The following CCDC32 variants were observed in gnomAD, a reference collection of about 807,000 sequenced individuals.
The protein encoded by CCDC32 is coiled-coil domain-containing protein 32.
CCDC32 carries 9 observed loss-of-function variants against 20.1 expected under a neutral mutation model. The observed-to-expected ratio is 0.45, with a 90% confidence interval of 0.27 to 0.78. The LOEUF is 0.78. Among genes scored for constraint, CCDC32 ranks in the 30% least tolerant of loss-of-function variants. The pLI is 0.16. For missense variants in CCDC32, 204 were observed against 215.5 expected, an observed-to-expected ratio of 0.95 and a Z score of 0.33; for synonymous variants, 63 against 79.0, an observed-to-expected ratio of 0.80 and a Z score of 1.07.
intron 3 of CCDC32, among the ~76,000 whole-genome samples, chr15:40,556,153 C>T (rs1318890536): frequency 6.6e-6 from 1 of 152,230 alleles, no homozygotes; most frequent in Admixed American, 6.5e-5. Flanking sequence ...GAGTGTCGAG[C>T]CCCATTCCTG....
chr15:40,551,854 A>G (rs936919391), downstream of CCDC32, among the ~76,000 whole-genome samples: 2 of 146,070 alleles, frequency 1.4e-5, no homozygotes, highest in Admixed American at 6.9e-5. Context: ...CCATTAGTCA[A>G]TGAAAAGAGA....
intron 3 of CCDC32, among the ~76,000 whole-genome samples, chr15:40,544,270 G>T (rs1358614466): frequency 6.6e-6 from 1 of 152,186 alleles, no homozygotes; most frequent in Non-Finnish European, 1.5e-5. Context: ...ATAGGGTGCG[G>T]TAGGGCAATC....
chr15:40,543,502 T>C (rs1889490170), intron 3 of CCDC32, among the ~76,000 whole-genome samples: 1 of 152,242 alleles, frequency 6.6e-6, no homozygotes, highest in South Asian at 2.1e-4. Context: ...TCGCCCAGGC[T>C]GGAATGCAGT....
intron 3 of CCDC32, among the ~76,000 whole-genome samples, chr15:40,540,523 A>G (rs1889348204): frequency 6.6e-6 from 1 of 151,598 alleles, no homozygotes; most frequent in African/African-American, 2.4e-5. Flanking sequence ...GCCTGCCACC[A>G]TGCCTGGGTA....
chr15:40,531,296 C>T (rs114679325), downstream of CCDC32: 1 of 151,112 alleles, frequency 6.6e-6, no homozygotes, highest in African/African-American at 2.4e-5. Flanking sequence ...CAAAACTTCA[C>T]CTATACCCCT....
intron 2 of CCDC32, chr15:40,557,701 C>A: frequency 5.1e-6 from 1 of 195,368 alleles, no homozygotes; most frequent in Non-Finnish European, 1.1e-5. Flanking sequence ...CTTGTTTTCC[C>A]TGGTTTGACA....
intron 1 of CCDC32, 110 bp from the exon 2 acceptor site, chr15:40,563,137 C>G: frequency 7.5e-7 from 1 of 1,337,606 alleles, no homozygotes; most frequent in South Asian, 1.4e-5. Context: ...CCGAGGCAGT[C>G]AGATCATTTG....
At chr15:40,534,959 T>A, downstream of CCDC32, 1 of 702,538 alleles carries the variant, frequency 1.4e-6, no homozygotes, top group East Asian at 2.7e-5. Context: ...GATCTGCCAC[T>A]TGGTATCTGT....
chr15:40,554,696 A>C (rs1015638975), intron 3 of CCDC32, among the ~76,000 whole-genome samples: 1 of 152,150 alleles, frequency 6.6e-6, no homozygotes, highest in Non-Finnish European at 1.5e-5. Flanking sequence ...TCCCCACAAG[A>C]GAATGACCAC....
In CCDC32 at chr15:40,564,997, G is replaced by C; in HGVS notation, c.-34C>G. The C allele has an allele frequency of 3.4e-6, 2 of 596,764 alleles. No individual in the cohort carries two copies. Among genetic ancestry groups the C allele is most frequent in the Admixed American group, 2.9e-5 (1 of 33,916 alleles). 37.0% of individuals were successfully genotyped at this position (596,764 alleles called of 1,614,324 possible). On this transcript the variant is annotated 5_prime_UTR_variant, in exon 1 of 4. Transcript: ENST00000416810. ...TTACCGTAACAGCTGCCCAGTAAAC[G>C]CTTGGCTCAGCTCTGTCGCCTGTAG...
downstream of CCDC32, among the ~76,000 whole-genome samples, chr15:40,527,643 C>T (rs1223900339): frequency 6.6e-6 from 1 of 152,122 alleles, no homozygotes; most frequent in East Asian, 1.9e-4. Flanking sequence ...TTCATAAATT[C>T]GTGGATTAAT....
chr15:40,543,081 G>A (rs922807162), intron 3 of CCDC32, among the ~76,000 whole-genome samples: 4 of 150,636 alleles, frequency 2.7e-5, no homozygotes, highest in African/African-American at 9.8e-5. Flanking sequence ...GGTTGAGGCT[G>A]CAATAAGCTG....
downstream of CCDC32, chr15:40,539,048 C>T (rs894904833): frequency 1.7e-6 from 1 of 595,088 alleles, no homozygotes; most frequent in South Asian, 2.0e-5. Context: ...TCTCTCTTGG[C>T]TCTCTCGCCA....
intron 2 of CCDC32, chr15:40,558,118 C>G (rs978891541): frequency 6.6e-6 from 1 of 152,150 alleles, no homozygotes. Context: ...TCGAAGAATA[C>G]AAGAAAGGAC....
intron 2 of CCDC32, among the ~76,000 whole-genome samples, chr15:40,558,706 T>C (rs7165670): frequency 0.033 from 4,976 of 152,286 alleles, 276 homozygotes; most frequent in African/African-American, 0.11. Flanking sequence ...TCTTCAGAGA[T>C]GAAAACTTCT....
chr15:40,523,534 A>C, the CCDC32 span, among the ~76,000 whole-genome samples: 1 of 151,662 alleles, frequency 6.6e-6, no homozygotes, highest in Non-Finnish European at 1.5e-5. Context: ...GAAAAGGTGG[A>C]TAAGTCTCTC....
Position 40,553,731 on chromosome 15 carries a change from G to T in CCDC32, c.*240C>A. ...CAGCATTTTGATCCAGTGTGCACTG[G>T]GTCAGTCACTTCATCCGAGACAGTC... On this transcript the variant is annotated 3_prime_UTR_variant, in exon 4 of 4. Coordinates refer to ENST00000416810, the MANE Select transcript of CCDC32 (RefSeq NM_001080792.4). 7.5e-7 allele frequency: 1 copy of T among 1,336,182 alleles called. No homozygotes were observed. The highest frequency in any genetic ancestry group is 9.6e-7 in the Non-Finnish European group (1 of 1,043,976). The allele number at this position is 1,336,182 out of a possible 1,614,324, so 82.8% of individuals were successfully genotyped here. A position where few individuals can be genotyped will look rare whatever the true frequency, so the allele number is the denominator to read the frequency against.
At chr15:40,551,809 C>CAAAAAAAAAAAAAAAAAAAA (rs59499493), downstream of CCDC32, among the ~76,000 whole-genome samples, 1 of 96,386 alleles carries the variant, frequency 1.0e-5, no homozygotes, top group African/African-American at 4.5e-5. Flanking sequence ...GACCCTGTCT[C>CAAAAAAAAAAAAAAAAAAAA]AAAAAAAAAA....
At chr15:40,535,016 G>A (rs1460810367), downstream of CCDC32, 18 of 706,162 alleles carry the variant, frequency 2.5e-5, no homozygotes, top group East Asian at 8.0e-5. Context: ...CATGCCTGCC[G>A]TGATGGAAGG....
Sources: gnomAD v4.1 joint callset for allele counts (sites outside exome capture counted in the v4.1 genomes callset) on GRCh38, gnomAD v4.1.1 for gene constraint, MANE v1.5 for transcripts, NCBI Gene and HGNC (gene_info 2026-07-23, HGNC 2026-07-21) for gene names.